Variants in HECW2 observed in about 807,000 individuals in gnomAD.
HECW2 encodes E3 ubiquitin-protein ligase HECW2.
Under a neutral mutation model 175.2 loss-of-function variants are expected in HECW2, and 61 were observed. The observed-to-expected ratio is 0.35, with a 90% confidence interval of 0.28 to 0.43. HECW2 has a LOEUF of 0.43. HECW2 is among the 20% of genes least tolerant of loss of function. HECW2 has a pLI of 1.00. For synonymous variants in HECW2, 671 were observed against 731.0 expected (o/e 0.92, Z 1.32); for missense variants, 1,524 against 2,000.5 (o/e 0.76, Z 4.54).
chr2:196,295,019 G>A (rs1177930890), intron 13 of HECW2, among the ~76,000 whole-genome samples: 1 of 152,182 alleles, frequency 6.6e-6, no homozygotes, highest in Non-Finnish European at 1.5e-5. Flanking sequence ...AGGAAGGGAG[G>A]AGGAAGGGAA....
At chr2:196,263,771 A>G (rs1254210327) in intron 17 of HECW2, 1 of 152,294 alleles carries the variant, frequency 6.6e-6, no homozygotes, top group East Asian at 1.9e-4. Context: ...TCATAAATAG[A>G]TATAAGTTAT....
chr2:196,537,390 C>A (rs767096968), intron 1 of HECW2, among the ~76,000 whole-genome samples: 6 of 152,050 alleles, frequency 3.9e-5, no homozygotes, highest in Non-Finnish European at 8.8e-5. Context: ...CAGAGACCGG[C>A]GAGCTACATT....
chr2:196,238,796 T>C (rs908668923), intron 21 of HECW2: 13 of 152,198 alleles, frequency 8.5e-5, no homozygotes, highest in African/African-American at 3.1e-4. Context: ...CAAGCCCCAC[T>C]CACCCTGGAC....
At chr2:196,293,030 A>G (rs1690663257) in intron 13 of HECW2, among the ~76,000 whole-genome samples, 1 of 152,184 alleles carries the variant, frequency 6.6e-6, no homozygotes, top group South Asian at 2.1e-4. Flanking sequence ...TACATGTGCA[A>G]GAAGAGCACG....
chr2:196,419,748 A>C (rs1048992910), intron 2 of HECW2, among the ~76,000 whole-genome samples: 2 of 152,190 alleles, frequency 1.3e-5, no homozygotes, highest in Non-Finnish European at 2.9e-5. Context: ...TATCACAATT[A>C]CAAATGTTAT....
chr2:196,256,458 T>C (rs546438955), intron 18 of HECW2, among the ~76,000 whole-genome samples: 15 of 152,184 alleles, frequency 9.9e-5, no homozygotes, highest in Non-Finnish European at 2.2e-4. Context: ...TGTTGTGTTA[T>C]CAAAGTACAA....
At chr2:196,470,643 A>G (rs1697158270) in intron 1 of HECW2, among the ~76,000 whole-genome samples, 1 of 152,182 alleles carries the variant, frequency 6.6e-6, no homozygotes, top group Admixed American at 6.5e-5. Context: ...GATGAGTAAG[A>G]TAGGGAAGCA....
chr2:196,473,792 C>G (rs1002377131), intron 1 of HECW2, among the ~76,000 whole-genome samples: 1 of 152,214 alleles, frequency 6.6e-6, no homozygotes, highest in African/African-American at 2.4e-5. Context: ...CACGTGGGAA[C>G]AGGACACAAT....
At chr2:196,301,609 T>G (rs1450637162) in intron 13 of HECW2, among the ~76,000 whole-genome samples, 23 of 152,208 alleles carry the variant, frequency 1.5e-4, no homozygotes. Flanking sequence ...GGTTTTGATT[T>G]GCATTTCTAT....
At chr2:196,331,434 C>A (rs1001080057) in intron 4 of HECW2, 1 of 285,072 alleles carries the variant, frequency 3.5e-6, no homozygotes, top group Non-Finnish European at 5.3e-6. Context: ...TGTGCCTGGG[C>A]ACAGGAAGAT....
At chr2:196,558,708 G>C (rs536202449) in intron 1 of HECW2, among the ~76,000 whole-genome samples, 25 of 152,360 alleles carry the variant, frequency 1.6e-4, no homozygotes, top group Middle Eastern at 3.4e-3. Context: ...TGATCCAGCT[G>C]ATGAATCTGC....
intron 20 of HECW2, among the ~76,000 whole-genome samples, chr2:196,241,166 C>T (rs1688438621): frequency 6.6e-6 from 1 of 152,158 alleles, no homozygotes; most frequent in Non-Finnish European, 1.5e-5. Context: ...TTAAAGTCAT[C>T]CTTCCATAGA....
At chr2:196,451,168 G>GT (rs1696333583) in intron 1 of HECW2, among the ~76,000 whole-genome samples, 1 of 152,140 alleles carries the variant, frequency 6.6e-6, no homozygotes, top group Non-Finnish European at 1.5e-5. Flanking sequence ...GGGCACAGTG[G>GT]TTCATGTCTG....
Position 196,450,474 on chromosome 2 carries a change from C to T in HECW2, c.-35-17016G>A, listed in dbSNP as rs190420393. Among the ~76,000 whole-genome samples, 381 of 151,070 alleles carry T rather than the reference C, an allele frequency of 2.5e-3. 1 individual carries two copies. The highest frequency in any genetic ancestry group is 4.2e-3 in the Non-Finnish European group (282 of 67,884). On this transcript the variant is annotated intron_variant, in intron 1 of 28. Coordinates refer to ENST00000644978, the MANE Select transcript of HECW2 (RefSeq NM_001348768.2). ...CTGATCATAAGCCACCTGTTAGATGCTGCCCAAATATCAGATTTTTTTTTT... is the reference window on the plus strand; with the variant it reads ...CTGATCATAAGCCACCTGTTAGATGTTGCCCAAATATCAGATTTTTTTTTT...
intron 1 of HECW2, among the ~76,000 whole-genome samples, chr2:196,436,964 T>C (rs1198639657): frequency 6.6e-6 from 1 of 152,196 alleles, no homozygotes; most frequent in African/African-American, 2.4e-5. Flanking sequence ...ATATTTATAA[T>C]GGGCTTAACC....
chr2:196,453,727 C>T (rs1471409629), intron 1 of HECW2, among the ~76,000 whole-genome samples: 2 of 152,080 alleles, frequency 1.3e-5, no homozygotes, highest in Admixed American at 6.6e-5. Flanking sequence ...CTCAGGCAAA[C>T]GAGGGTGGGA....
chr2:196,546,119 C>T (rs1224836663), intron 1 of HECW2, among the ~76,000 whole-genome samples: 3 of 152,214 alleles, frequency 2.0e-5, no homozygotes. Flanking sequence ...GACAAAAGTG[C>T]ATGTTTGCAA....
At chr2:196,425,143 C>T (rs760852688) in intron 2 of HECW2, among the ~76,000 whole-genome samples, 7 of 150,804 alleles carry the variant, frequency 4.6e-5, no homozygotes, top group Non-Finnish European at 1.0e-4. Flanking sequence ...AATGACAGCA[C>T]ATCTGTCATT....
At chr2:196,309,659 G>T (rs1160765932) in intron 10 of HECW2, among the ~76,000 whole-genome samples, 1 of 152,052 alleles carries the variant, frequency 6.6e-6, no homozygotes, top group African/African-American at 2.4e-5. Context: ...GGTAATTCAG[G>T]CACATAGACA....
Sources: allele counts gnomAD v4.1 joint callset (sites outside exome capture counted in the v4.1 genomes callset), GRCh38; gene constraint gnomAD v4.1.1; transcripts MANE v1.5; gene names NCBI Gene and HGNC (gene_info 2026-07-23, HGNC 2026-07-21).